KRABD2: variants seen among roughly 807,000 people sequenced by gnomAD.
The protein encoded by KRABD2 is KRAB domain containing 2.
At chr17:8,376,684 A>G in the KRABD2 span, 1 of 984,404 alleles carries the variant, frequency 1.0e-6, no homozygotes, top group Non-Finnish European at 1.2e-6. Context: ...CTCCACCCAG[A>G]GGCCCCCGAG....
chr17:8,371,503 G>A, the KRABD2 span: 1 of 1,606,180 alleles, frequency 6.2e-7, no homozygotes, highest in Non-Finnish European at 8.5e-7. Flanking sequence ...GACTGGGGAA[G>A]AGACAAGAGA....
chr17:8,364,759 C>A, the KRABD2 span, among the ~76,000 whole-genome samples: 7 of 152,030 alleles, frequency 4.6e-5, no homozygotes, highest in Admixed American at 1.3e-4. The surrounding 1 kb of genome is among the most constrained non-coding windows in gnomAD (Gnocchi z 4.4). Context: ...AAATGCCGGG[C>A]ACCATGGCTC....
At chr17:8,367,282 AGGT>A in the KRABD2 span, 1 of 151,812 alleles carries the variant, frequency 6.6e-6, no homozygotes, top group African/African-American at 2.4e-5. Flanking sequence ...GTGGATCACG[AGGT>A]CAGGAGATCG....
the KRABD2 span, chr17:8,359,750 CA>C: frequency 2.2e-6 from 1 of 456,008 alleles, no homozygotes; most frequent in Non-Finnish European, 4.4e-6. Flanking sequence ...GGCAGAAAGG[CA>C]GGGTTTCAGG....
the KRABD2 span, among the ~76,000 whole-genome samples, chr17:8,365,073 C>A: frequency 1.3e-5 from 2 of 152,016 alleles, no homozygotes; most frequent in African/African-American, 4.8e-5. Flanking sequence ...GGACAAAATA[C>A]ATTTGCAAGC....
At chr17:8,375,392 G>A in the KRABD2 span, among the ~76,000 whole-genome samples, 1 of 152,258 alleles carries the variant, frequency 6.6e-6, no homozygotes, top group Admixed American at 6.5e-5. Flanking sequence ...CTGTGATGGA[G>A]AGGCGGCATC....
chr17:8,361,957 A>G, the KRABD2 span, among the ~76,000 whole-genome samples: 3 of 152,214 alleles, frequency 2.0e-5, no homozygotes, highest in African/African-American at 7.2e-5. Context: ...GAGGAAAATT[A>G]AGTCCTTAAT....
At chr17:8,363,107 G>C in the KRABD2 span, among the ~76,000 whole-genome samples, 280 of 152,280 alleles carry the variant, frequency 1.8e-3, no homozygotes, top group African/African-American at 6.4e-3. Flanking sequence ...ATTGGCTAGG[G>C]GCAGTGAGGG....
At chr17:8,370,514 T>A in the KRABD2 span, 2 of 664,986 alleles carry the variant, frequency 3.0e-6, no homozygotes, top group East Asian at 2.9e-5. Context: ...AGAATGATAA[T>A]AGAATAATAG....
At chr17:8,359,700 A>G in the KRABD2 span, 1 of 456,026 alleles carries the variant, frequency 2.2e-6, no homozygotes, top group Non-Finnish European at 4.4e-6. Flanking sequence ...GAAGGGTGGC[A>G]GTTTCAGGTG....
the KRABD2 span, chr17:8,369,730 G>A: frequency 2.0e-5 from 32 of 1,614,046 alleles, no homozygotes; most frequent in East Asian, 2.2e-5. Context: ...CTTAATGGCC[G>A]TAAAATAATA....
the KRABD2 span, chr17:8,372,157 T>C: frequency 1.3e-6 from 1 of 772,972 alleles, no homozygotes; most frequent in Non-Finnish European, 1.6e-6. This position sits in a 1 kb window ranked among gnomAD's most constrained non-coding sequence, Gnocchi z 4.1. Context: ...TGCTTCCAGG[T>C]CCGGAAGGTC....
chr17:8,369,632 G>A, the KRABD2 span: 682 of 1,614,180 alleles, frequency 4.2e-4, 2 homozygotes, highest in African/African-American at 7.7e-3. Flanking sequence ...TGAACTCAAC[G>A]CCACTGTCAG....
At chr17:8,366,564 G>T in the KRABD2 span, among the ~76,000 whole-genome samples, 2 of 152,170 alleles carry the variant, frequency 1.3e-5, no homozygotes, top group African/African-American at 4.8e-5. Context: ...TTTAATATAT[G>T]TTTCATGCAG....
the KRABD2 span, among the ~76,000 whole-genome samples, chr17:8,363,813 T>TAC: frequency 9.1e-4 from 101 of 111,400 alleles, 1 homozygote; most frequent in African/African-American, 4.0e-3. Context: ...ATATATATCA[T>TAC]ACATATATAT....
At chr17:8,368,879 C>T in the KRABD2 span, 4 of 469,468 alleles carry the variant, frequency 8.5e-6, no homozygotes, top group Non-Finnish European at 1.5e-5. Context: ...TCAAGTGACC[C>T]GCCCACCTTG....
At chr17:8,363,775 A>T in the KRABD2 span, among the ~76,000 whole-genome samples, 1 of 147,298 alleles carries the variant, frequency 6.8e-6, no homozygotes, top group Non-Finnish European at 1.5e-5. Flanking sequence ...TATCATACAT[A>T]TATATGTCAT....
At chr17:8,373,270 C>G in the KRABD2 span, among the ~76,000 whole-genome samples, 1 of 152,202 alleles carries the variant, frequency 6.6e-6, no homozygotes, top group Non-Finnish European at 1.5e-5. Flanking sequence ...ACTGCAACCT[C>G]CCTGCCTGAT....
the KRABD2 span, chr17:8,371,813 G>A: frequency 1.5e-5 from 17 of 1,118,596 alleles, no homozygotes; most frequent in Non-Finnish European, 1.9e-5. Flanking sequence ...TTATATCTGT[G>A]TACATAAAGA....
Sources: gnomAD v4.1 joint callset for allele counts (sites outside exome capture counted in the v4.1 genomes callset) on GRCh38, gnomAD v4.1.1 for gene constraint, Gnocchi (gnomAD v3.1) non-coding constraint, MANE v1.5 for transcripts, NCBI Gene and HGNC (gene_info 2026-07-23, HGNC 2026-07-21) for gene names.